Variants in RBFOX1 observed in about 807,000 individuals in gnomAD.
RBFOX1 encodes RNA binding protein fox-1 homolog 1.
A neutral mutation model predicts 57.7 loss-of-function variants in RBFOX1; 8 were observed. The observed-to-expected ratio is 0.14, with a 90% CI of 0.08 to 0.25. The LOEUF (loss-of-function observed/expected upper bound fraction) is 0.25, where lower values mean the gene tolerates loss of function less well. Ranked by LOEUF, RBFOX1 falls within the 10% of genes least tolerant of loss-of-function variation. The probability of loss-of-function intolerance (pLI) is 1.00; values close to 1 mark genes in which losing one functional copy is unlikely to be tolerated. For synonymous variants in RBFOX1, 326 were observed against 222.4 expected, an observed-to-expected ratio of 1.47 and a Z score of -4.15; for missense variants, 611 against 548.5, an observed-to-expected ratio of 1.11 and a Z score of -1.14.
intron 3 of RBFOX1, among the ~76,000 whole-genome samples, chr16:5,769,370 G>T (rs915951814): frequency 6.6e-6 from 1 of 151,776 alleles, no homozygotes; most frequent in African/African-American, 2.4e-5. Flanking sequence ...GCTGGGTGCA[G>T]TGGCTCGCAC....
At chr16:6,365,325 T>G (rs1040201573) in intron 2 of RBFOX1, among the ~76,000 whole-genome samples, 1 of 145,108 alleles carries the variant, frequency 6.9e-6, no homozygotes, top group Non-Finnish European at 1.5e-5. Flanking sequence ...GATGGGTGGA[T>G]GGGTGGGTGG....
intron 4 of RBFOX1, among the ~76,000 whole-genome samples, chr16:7,277,515 G>C (rs989451326): frequency 2.0e-5 from 3 of 152,164 alleles, no homozygotes; most frequent in Non-Finnish European, 4.4e-5. Context: ...AGTGTAGCTA[G>C]TGGTAATTGA....
At chr16:7,547,886 C>T (rs2085056781) in intron 5 of RBFOX1, among the ~76,000 whole-genome samples, 1 of 152,150 alleles carries the variant, frequency 6.6e-6, no homozygotes, top group Non-Finnish European at 1.5e-5. Flanking sequence ...GGAGACAAAA[C>T]AGAATGGATA....
At chr16:6,320,275 C>G (rs1235742145) in intron 2 of RBFOX1, among the ~76,000 whole-genome samples, 2 of 152,126 alleles carry the variant, frequency 1.3e-5, no homozygotes. Context: ...GAAATTCCAT[C>G]TCTAATTCCC....
At chr16:6,621,062 A>G (rs1320245788) in intron 2 of RBFOX1, among the ~76,000 whole-genome samples, 1 of 152,176 alleles carries the variant, frequency 6.6e-6, no homozygotes, top group East Asian at 1.9e-4. Flanking sequence ...ACTGCCAGCA[A>G]TCCTTGGCTT....
chr16:7,360,815 A>G (rs1370425682), intron 4 of RBFOX1, among the ~76,000 whole-genome samples: 2 of 152,184 alleles, frequency 1.3e-5, no homozygotes, highest in Non-Finnish European at 2.9e-5. Context: ...AGTGCCATTA[A>G]TTAGGCTTGT....
intron 3 of RBFOX1, among the ~76,000 whole-genome samples, chr16:6,699,103 A>G (rs1405981070): frequency 1.3e-5 from 2 of 152,142 alleles, no homozygotes; most frequent in East Asian, 1.9e-4. Flanking sequence ...GCATGCAGCC[A>G]TCATCAGTAT....
rs113023207 is a variant in RBFOX1 at position 7,559,289 on chromosome 16, T to C, written c.271-20488T>C. ...ATTCTGCTTTATGATTGTATTACGT[T>C]ATATACATTATACATCTCTTTCTCT... On this transcript the variant is annotated intron_variant, in intron 5 of 15. Coordinates refer to ENST00000550418, the MANE Select transcript of RBFOX1 (RefSeq NM_018723.4). Among the ~76,000 whole-genome samples the C allele has an allele frequency of 4.8e-3, 719 of 150,610 alleles. 7 individuals carry two copies. Among genetic ancestry groups the C allele is most frequent in the African/African-American group, 0.017 (681 of 39,974 alleles).
intron 1 of RBFOX1, among the ~76,000 whole-genome samples, chr16:6,295,746 G>T: frequency 6.6e-6 from 1 of 152,310 alleles, no homozygotes; most frequent in Non-Finnish European, 1.5e-5. Flanking sequence ...ATGAGGAGGG[G>T]ACAGGGGCAA....
intron 1 of RBFOX1, among the ~76,000 whole-genome samples, chr16:6,051,224 T>C (rs1463502516): frequency 2.6e-5 from 4 of 151,068 alleles, no homozygotes; most frequent in South Asian, 2.1e-4. Context: ...CTTAAAAGAG[T>C]CTTATCATCT....
chr16:5,813,698 G>A (rs765698716), intron 3 of RBFOX1, among the ~76,000 whole-genome samples: 1 of 152,348 alleles, frequency 6.6e-6, no homozygotes. Flanking sequence ...GTATCATAGA[G>A]TTGTTCTGAG....
At chr16:6,568,604 C>T (rs1446976570) in intron 2 of RBFOX1, among the ~76,000 whole-genome samples, 1 of 152,128 alleles carries the variant, frequency 6.6e-6, no homozygotes, top group Non-Finnish European at 1.5e-5. Flanking sequence ...GGGATTATCT[C>T]AGGGCCATCT....
At chr16:7,444,397 G>T (rs1387358532) in intron 4 of RBFOX1, among the ~76,000 whole-genome samples, 1 of 152,158 alleles carries the variant, frequency 6.6e-6, no homozygotes, top group Non-Finnish European at 1.5e-5. Context: ...TTCAATGAGG[G>T]ATGTCAATGG....
intron 4 of RBFOX1, among the ~76,000 whole-genome samples, chr16:7,260,425 A>G (rs1243346394): frequency 6.6e-6 from 1 of 152,172 alleles, no homozygotes; most frequent in Non-Finnish European, 1.5e-5. Context: ...AAGATCACCC[A>G]CAAAGCTCCC....
At chr16:7,452,784 G>C (rs1052803998) in intron 4 of RBFOX1, among the ~76,000 whole-genome samples, 10 of 152,046 alleles carry the variant, frequency 6.6e-5, no homozygotes, top group African/African-American at 2.2e-4. Context: ...CTTAGAGTCT[G>C]GTGAAAGAAG....
chr16:5,730,589 A>G (rs560454779), intron 3 of RBFOX1, among the ~76,000 whole-genome samples: 108 of 152,258 alleles, frequency 7.1e-4, no homozygotes, highest in Non-Finnish European at 1.3e-3. Context: ...TACCATCATC[A>G]TCACCAACAT....
intron 4 of RBFOX1, among the ~76,000 whole-genome samples, chr16:7,411,885 A>G (rs1244757048): frequency 6.9e-6 from 1 of 145,666 alleles, no homozygotes; most frequent in Non-Finnish European, 1.5e-5. Flanking sequence ...CCTGGACAAC[A>G]AGAGCAAAAC....
rs140521844 is a variant in RBFOX1, at chr16:7,447,107, C to T, written c.28-71040C>T. Among the ~76,000 whole-genome samples the T allele has an allele frequency of 2.9e-3, 443 of 152,092 alleles. 3 individuals carry two copies. The highest frequency in any genetic ancestry group is 3.4e-3 in the Middle Eastern group (1 of 294). ...GATTACAGGCGTGAGCCACTGTCCT[C>T]GGCCTCAAGGTAGGTCTGGGTTTTA... On this transcript the variant is annotated intron_variant, in intron 4 of 15. Coordinates refer to ENST00000550418, the MANE Select transcript of RBFOX1 (RefSeq NM_018723.4).
chr16:5,909,465 C>T (rs965359517), intron 4 of RBFOX1, among the ~76,000 whole-genome samples: 1 of 152,220 alleles, frequency 6.6e-6, no homozygotes, highest in Admixed American at 6.5e-5. Flanking sequence ...GAGAGATGGT[C>T]TGCTTCAGGA....
Sources: allele counts gnomAD v4.1 joint callset (sites outside exome capture counted in the v4.1 genomes callset), GRCh38; gene constraint gnomAD v4.1.1; transcripts MANE v1.5; gene names NCBI Gene and HGNC (gene_info 2026-07-23, HGNC 2026-07-21).